The following CAND1 variants were observed in gnomAD, a reference collection of about 807,000 sequenced individuals.
CAND1 encodes the protein cullin-associated NEDD8-dissociated protein 1.
A neutral mutation model predicts 108.5 loss-of-function variants in CAND1; 7 were observed. The ratio of observed to expected loss-of-function variants is 0.06; its 90% confidence interval spans 0.04 to 0.12. CAND1 has a LOEUF of 0.12. Ranked by LOEUF, CAND1 falls within the 10% of genes least tolerant of loss-of-function variation. CAND1 has a pLI of 1.00. For synonymous variants in CAND1, 534 were observed against 512.0 expected, an observed-to-expected ratio of 1.04 and a Z score of -0.58; for missense variants, 941 against 1,448.7, an observed-to-expected ratio of 0.65 and a Z score of 5.69.
At chr12:67,300,037 G>A (rs556344094) in intron 7 of CAND1, among the ~76,000 whole-genome samples, 51 of 152,140 alleles carry the variant, frequency 3.4e-4, no homozygotes, top group African/African-American at 1.2e-3. Flanking sequence ...AAAGAATGCA[G>A]TTCCATTTTC....
chr12:67,288,892 G>A (rs1176076538), intron 2 of CAND1, among the ~76,000 whole-genome samples: 1 of 152,154 alleles, frequency 6.6e-6, no homozygotes. Context: ...CAATGACTAG[G>A]TACATAAACA....
rs779818793 is a variant in CAND1 at position 67,312,597 on chromosome 12, A to G, written c.3469-9A>G. The G allele has an allele frequency of 1.0e-5, 16 of 1,580,360 alleles. No individual in the cohort carries two copies. The highest frequency in any genetic ancestry group is 1.2e-5 in the South Asian group (1 of 86,030). On this transcript the variant is annotated splice_polypyrimidine_tract_variant and intron_variant, in intron 14 of 14. Transcript: ENST00000545606. ...ATAGCATGTAATCTAAGTTTACTCC[A>G]TCTTACAGGTAAAGGCAAACTCAGT... is the stretch of plus-strand genomic sequence containing the variant.
chr12:67,286,310 G>A (rs1565718325), intron 2 of CAND1, among the ~76,000 whole-genome samples: 3 of 152,062 alleles, frequency 2.0e-5, no homozygotes, highest in Non-Finnish European at 4.4e-5. Context: ...GCGCCCTGCC[G>A]TCTTTATTTT....
intron 1 of CAND1, among the ~76,000 whole-genome samples, chr12:67,276,960 A>G (rs2044575634): frequency 6.6e-6 from 1 of 152,222 alleles, no homozygotes; most frequent in African/African-American, 2.4e-5. Flanking sequence ...TTTGCAGTTT[A>G]ACCAAAGTTA....
rs543616277 is a variant in CAND1, at chr12:67,277,890, CCATT to C, written c.69-4017_69-4014del. Among the ~76,000 whole-genome samples, 568 of 152,248 alleles carry C rather than the reference CCATT, an allele frequency of 3.7e-3. 3 individuals carry two copies. The highest frequency in any genetic ancestry group is 0.013 in the African/African-American group (539 of 41,554). ...ACTTAGTCATTCTCCTAACTAGTCT[CCATT>C]CAGTATGGCCAAATGAAGATTTGTT... On this transcript the variant is annotated intron_variant, in intron 1 of 14. Coordinates refer to ENST00000545606, the MANE Select transcript of CAND1 (RefSeq NM_018448.5).
intron 1 of CAND1, among the ~76,000 whole-genome samples, chr12:67,274,979 G>A (rs571346556): frequency 1.3e-5 from 2 of 152,244 alleles, no homozygotes; most frequent in South Asian, 4.2e-4. Flanking sequence ...AGAAAAGCAG[G>A]TTTAATCAGA....
At chr12:67,289,223 A>G (rs899776723) in intron 2 of CAND1, among the ~76,000 whole-genome samples, 1 of 148,590 alleles carries the variant, frequency 6.7e-6, no homozygotes, top group African/African-American at 2.5e-5. Flanking sequence ...TATTATTTTT[A>G]TTTTATTTGT....
chr12:67,300,913 G>A (rs768373766), intron 7 of CAND1, among the ~76,000 whole-genome samples: 2 of 152,012 alleles, frequency 1.3e-5, no homozygotes, highest in Admixed American at 6.6e-5. Flanking sequence ...AACAAACTAG[G>A]TACTTCACCT....
chr12:67,296,044 G>A (rs1052591761), intron 4 of CAND1, among the ~76,000 whole-genome samples: 9 of 152,140 alleles, frequency 5.9e-5, no homozygotes, highest in Non-Finnish European at 8.8e-5. Context: ...AGTAGTATGC[G>A]AATGGGGAAG....
Position 67,308,078 on chromosome 12 carries a change from T to A in CAND1, c.3025+586T>A, listed in dbSNP as rs185391525. Among the ~76,000 whole-genome samples the A allele has an allele frequency of 2.9e-3, 442 of 152,140 alleles. 4 individuals are homozygous for A. Among genetic ancestry groups the A allele is most frequent in the African/African-American group, 0.01 (421 of 41,558 alleles). ...GATTATTTCTGATTTTATAACCTCCTTGCATTTTGTTTTTATCATTGGTTT... is the reference window on the plus strand; with the variant it reads ...GATTATTTCTGATTTTATAACCTCCATGCATTTTGTTTTTATCATTGGTTT... On this transcript the variant is annotated intron_variant, in intron 11 of 14. Coordinates refer to ENST00000545606, the MANE Select transcript of CAND1 (RefSeq NM_018448.5).
chr12:67,289,688 A>G (rs1468895927), intron 2 of CAND1, among the ~76,000 whole-genome samples: 1 of 151,588 alleles, frequency 6.6e-6, no homozygotes. Flanking sequence ...GAAAGCTAGA[A>G]CTCTTTAAAT....
At chr12:67,285,831 G>A (rs1285175134) in intron 2 of CAND1, among the ~76,000 whole-genome samples, 1 of 152,076 alleles carries the variant, frequency 6.6e-6, no homozygotes, top group East Asian at 1.9e-4. Flanking sequence ...AACACCACAA[G>A]TTCATCCATG....
At chr12:67,286,602 C>A (rs2044674705) in intron 2 of CAND1, among the ~76,000 whole-genome samples, 1 of 140,446 alleles carries the variant, frequency 7.1e-6, no homozygotes, top group Non-Finnish European at 1.6e-5. Context: ...TTATCAAGTT[C>A]TAGTTCTTCT....
chr12:67,312,321 C>T, intron 14 of CAND1, among the ~76,000 whole-genome samples: 1 of 152,016 alleles, frequency 6.6e-6, no homozygotes, highest in East Asian at 1.9e-4. Flanking sequence ...AAGTGTGAGA[C>T]TTGCTAAGCA....
intron 14 of CAND1, among the ~76,000 whole-genome samples, chr12:67,312,336 G>A (rs1467984432): frequency 6.6e-6 from 1 of 152,060 alleles, no homozygotes; most frequent in African/African-American, 2.4e-5. Context: ...TAAGCAGATA[G>A]TTGAAACAAA....
intron 13 of CAND1, chr12:67,311,038 T>TA (rs1241382031): frequency 6.6e-6 from 1 of 152,042 alleles, no homozygotes; most frequent in Non-Finnish European, 1.5e-5. Flanking sequence ...CTCTTCCATT[T>TA]AGGGCTTTTG....
In CAND1 at chr12:67,297,788, T is replaced by C. The variant is rs750681621; in HGVS notation, c.789T>C (p.Phe263=). The C allele has an allele frequency of 6.2e-7, 1 of 1,610,162 alleles. No homozygotes were observed. Among genetic ancestry groups the C allele is most frequent in the Non-Finnish European group, 8.5e-7 (1 of 1,177,216 alleles). ...LEKIIPLVVK[F]CNVDDDELRE... ...AGATAATTCCTTTGGTGGTAAAATT[T>C]TGCAATGTAGATGATGATGAATTAA... is the stretch of plus-strand genomic sequence containing the variant. Residue 263 remains phenylalanine (F), a synonymous_variant, in exon 6 of 15, where the codon TTT becomes TTC. Transcript: ENST00000545606.
chr12:67,291,057 G>A (rs927053202), intron 2 of CAND1, among the ~76,000 whole-genome samples: 6 of 152,066 alleles, frequency 3.9e-5, no homozygotes, highest in African/African-American at 7.2e-5. Context: ...CCATGAAATC[G>A]GTCCCTGCTG....
intron 1 of CAND1, among the ~76,000 whole-genome samples, chr12:67,276,709 T>C (rs112775418): frequency 3.9e-5 from 6 of 152,336 alleles, no homozygotes; most frequent in African/African-American, 1.4e-4. Flanking sequence ...AGATTGTTTA[T>C]GTCCAAGAAA....
Sources: allele counts gnomAD v4.1 joint callset (sites outside exome capture counted in the v4.1 genomes callset), GRCh38; gene constraint gnomAD v4.1.1; transcripts MANE v1.5; gene names NCBI Gene and HGNC (gene_info 2026-07-23, HGNC 2026-07-21).